NUDC: variants seen among roughly 807,000 people sequenced by gnomAD.
NUDC encodes the protein nuclear distribution C, dynein complex regulator.
Under a neutral mutation model 45.0 loss-of-function variants are expected in NUDC, and 14 were observed. The observed-to-expected ratio is 0.31, with a 90% confidence interval of 0.21 to 0.49. NUDC has a LOEUF of 0.49. NUDC is among the 20% of genes least tolerant of loss of function. The probability of loss-of-function intolerance (pLI) is 0.99; values close to 1 mark genes in which losing one functional copy is unlikely to be tolerated. For synonymous variants in NUDC, 153 were observed against 156.7 expected, an observed-to-expected ratio of 0.98 and a Z score of 0.17; for missense variants, 323 against 426.2, an observed-to-expected ratio of 0.76 and a Z score of 2.13.
chr1:26,940,582 T>C (rs547103402), intron 2 of NUDC, among the ~76,000 whole-genome samples: 1 of 152,196 alleles, frequency 6.6e-6, no homozygotes, highest in Non-Finnish European at 1.5e-5. Context: ...GGAGACAGGA[T>C]GCACTAAGAG....
chr1:26,920,490 A>G (rs2082083689), upstream of NUDC, among the ~76,000 whole-genome samples: 1 of 151,944 alleles, frequency 6.6e-6, no homozygotes, highest in Non-Finnish European at 1.5e-5. Flanking sequence ...AAAAAAAAAA[A>G]GAAGAATAGA....
upstream of NUDC, among the ~76,000 whole-genome samples, chr1:26,921,261 C>T (rs141706843): frequency 9.2e-4 from 140 of 152,284 alleles, no homozygotes; most frequent in Non-Finnish European, 1.5e-3. Flanking sequence ...AAGCGTGGAG[C>T]CTTTCTAAGC....
chr1:26,905,167 T>C (rs1282109700), intron 2 of NUDC, among the ~76,000 whole-genome samples: 1 of 140,498 alleles, frequency 7.1e-6, no homozygotes. Flanking sequence ...ATTTTTTTTT[T>C]TTTTTTTTTT....
At chr1:26,929,633 G>T in intron 2 of NUDC, 2 of 307,042 alleles carry the variant, frequency 6.5e-6, no homozygotes, top group Non-Finnish European at 1.4e-5. Flanking sequence ...GGTACGGTGG[G>T]ACTACCCTAT....
At chr1:26,922,034 C>T in intron 1 of NUDC, 105 bp downstream of exon 1, 1 of 1,180,628 alleles carries the variant, frequency 8.5e-7, no homozygotes, top group Admixed American at 2.0e-5. Flanking sequence ...TCGCGGGCTT[C>T]TGGGATGCCC....
chr1:26,910,926 A>G (rs763356766), intron 2 of NUDC, among the ~76,000 whole-genome samples: 30 of 152,276 alleles, frequency 2.0e-4, no homozygotes, highest in Non-Finnish European at 3.4e-4. Flanking sequence ...CAGGGAAGGA[A>G]ACTGGGGAGG....
chr1:26,925,519 C>T (rs2082124462), intron 2 of NUDC, among the ~76,000 whole-genome samples: 1 of 99,770 alleles, frequency 1.0e-5, no homozygotes, highest in African/African-American at 4.2e-5. Context: ...CCAGCCTGGG[C>T]AACAGTGAGA....
At chr1:26,906,223 G>A (rs1048467873) in intron 2 of NUDC, among the ~76,000 whole-genome samples, 3 of 152,042 alleles carry the variant, frequency 2.0e-5, no homozygotes, top group Admixed American at 6.6e-5. Context: ...AGGTTGCGGT[G>A]AGCTGAGATC....
intron 2 of NUDC, among the ~76,000 whole-genome samples, chr1:26,934,441 A>C (rs1363631495): frequency 6.6e-6 from 1 of 152,192 alleles, no homozygotes; most frequent in Non-Finnish European, 1.5e-5. Flanking sequence ...GTGGGGAAAC[A>C]GAGCCAAACG....
At chr1:26,912,150 C>G (rs2082031864) in intron 3 of NUDC, 1 of 1,599,776 alleles carries the variant, frequency 6.3e-7, no homozygotes, top group Non-Finnish European at 8.5e-7. Flanking sequence ...AAGGACAAGA[C>G]TGGCCCAAGA....
chr1:26,945,699 G>T lies in NUDC; in HGVS notation c.944+13G>T. ...AGATTCTGAAGAAGTGAGCAATTCA[G>T]AGACGGGGTTGGGGGACCGTGGGTG... On this transcript the variant is annotated intron_variant, in intron 8 of 8. Transcript: ENST00000321265. The T allele has an allele frequency of 6.2e-7, 1 of 1,604,504 alleles. No homozygotes were observed. Among genetic ancestry groups the T allele is most frequent in the South Asian group, 1.1e-5 (1 of 90,902 alleles).
intron 2 of NUDC, among the ~76,000 whole-genome samples, chr1:26,905,638 G>C (rs1257436636): frequency 1.3e-5 from 2 of 150,350 alleles, no homozygotes; most frequent in East Asian, 4.3e-4. Flanking sequence ...GCAGCCCCGA[G>C]TTCCCAGTCT....
Position 26,946,310 on chromosome 1 carries a change from C to T in NUDC, c.*129C>T, listed in dbSNP as rs1192711737. ...ATGGGACTGGCCCAGGCACACAGGT[C>T]CCGGGGCATCAGGAGAAAGGCTGGG... is the stretch of plus-strand genomic sequence containing the variant. On this transcript the variant is annotated 3_prime_UTR_variant, in exon 9 of 9. Coordinates refer to ENST00000321265, the MANE Select transcript of NUDC (RefSeq NM_006600.4). The T allele has an allele frequency of 9.8e-6, 8 of 816,530 alleles. No individual in the cohort carries two copies. The highest frequency in any genetic ancestry group is 1.5e-5 in the Non-Finnish European group (7 of 467,054). 50.6% of individuals were successfully genotyped at this position (816,530 alleles called of 1,614,324 possible).
chr1:26,942,234 T>C (rs2082283398), intron 4 of NUDC, among the ~76,000 whole-genome samples: 1 of 152,012 alleles, frequency 6.6e-6, no homozygotes. Context: ...GAGGTTGCCA[T>C]GAGCCGAGAT....
At chr1:26,900,849 C>T (rs749873424) in intron 1 of NUDC, among the ~76,000 whole-genome samples, 2 of 152,008 alleles carry the variant, frequency 1.3e-5, no homozygotes, top group Non-Finnish European at 2.9e-5. Context: ...AAAGATAACC[C>T]GGTAGAAAAA....
chr1:26,932,470 C>T (rs1427096687), intron 2 of NUDC, among the ~76,000 whole-genome samples: 3 of 151,886 alleles, frequency 2.0e-5, no homozygotes, highest in African/African-American at 4.8e-5. Context: ...TGAGCCACTG[C>T]GCCCGGCCCC....
chr1:26,943,020 G>T lies in NUDC; in HGVS notation c.696G>T (p.Ser232=), dbSNP rs988371609. ...ATGAAGTGAAGGTGGAGGAGAGCTC[G>T]TGGCTCATTGAGGACGGCAAGGTGG... The part of the protein sequence containing the change: ...LYNEVKVEES[S]WLIEDGKVVT... The change falls in exon 6 of 9, where the codon TCG becomes TCT. Residue 232 remains serine, a synonymous_variant. Transcript: ENST00000321265. 1 of 1,614,142 alleles carries T rather than the reference G, an allele frequency of 6.2e-7. No homozygotes were observed. Among genetic ancestry groups the T allele is most frequent in the Non-Finnish European group, 8.5e-7 (1 of 1,180,022 alleles).
chr1:26,925,103 A>T (rs1238489550), intron 2 of NUDC, among the ~76,000 whole-genome samples: 3 of 149,404 alleles, frequency 2.0e-5, no homozygotes, highest in Non-Finnish European at 1.5e-5. Context: ...CTGGTCTCGA[A>T]CCCCTGACCT....
Position 26,945,692 on chromosome 1 carries a change from C to T in NUDC, c.944+6C>T, listed in dbSNP as rs747913188. The T allele has an allele frequency of 1.2e-6, 2 of 1,605,184 alleles. No individual in the cohort carries two copies. The highest frequency in any genetic ancestry group is 1.1e-5 in the South Asian group (1 of 90,920). Reference sequence around the variant, plus strand: ...AAACAGGAGATTCTGAAGAAGTGAGCAATTCAGAGACGGGGTTGGGGGACC... The same window carrying T: ...AAACAGGAGATTCTGAAGAAGTGAGTAATTCAGAGACGGGGTTGGGGGACC... On this transcript the variant is annotated splice_donor_region_variant and intron_variant, in intron 8 of 8. Transcript: ENST00000321265.
Sources: gnomAD v4.1 joint callset for allele counts (sites outside exome capture counted in the v4.1 genomes callset) on GRCh38, gnomAD v4.1.1 for gene constraint, MANE v1.5 for transcripts, NCBI Gene and HGNC (gene_info 2026-07-23, HGNC 2026-07-21) for gene names.